Variants in HLTF observed in about 807,000 individuals in gnomAD.
HLTF encodes the protein DNA-dependent ATPase/E3 ubiquitin-protein ligase HLTF.
Under a neutral mutation model 129.4 loss-of-function variants are expected in HLTF, and 127 were observed. The ratio of observed to expected loss-of-function variants is 0.98; its 90% CI spans 0.85 to 1.14. The LOEUF is 1.14. Ranked by LOEUF, HLTF falls within the 50% of genes most tolerant of loss-of-function variation. The pLI is 0.00. For missense variants in HLTF, 1,139 were observed against 1,187.1 expected, an observed-to-expected ratio of 0.96 and a Z score of 0.60; for synonymous variants, 332 against 388.8, an observed-to-expected ratio of 0.85 and a Z score of 1.72.
chr3:149,071,052 A>AT (rs35805919), intron 7 of HLTF, among the ~76,000 whole-genome samples, 200 bp downstream of exon 7: 4,028 of 152,114 alleles, frequency 0.026, 73 homozygotes, highest in South Asian at 0.052. Flanking sequence ...CTCAAAAAAA[A>AT]AAAAAAGAAA....
intron 4 of HLTF, 49 bp from the exon 5 acceptor site, chr3:149,073,371 T>C (rs1207349799): frequency 7.7e-7 from 1 of 1,298,716 alleles, no homozygotes; most frequent in African/African-American, 1.5e-5. Flanking sequence ...AAAGTAGGTT[T>C]TTATCTTTTA....
intron 2 of HLTF, among the ~76,000 whole-genome samples, chr3:149,081,048 C>G (rs1256217337): frequency 6.6e-6 from 1 of 151,962 alleles, no homozygotes; most frequent in Non-Finnish European, 1.5e-5. Context: ...CTTAAATACA[C>G]AAATGTGTTA....
intron 18 of HLTF, among the ~76,000 whole-genome samples, chr3:149,043,490 AAAT>A (rs902036691): frequency 2.0e-5 from 3 of 151,346 alleles, no homozygotes; most frequent in Non-Finnish European, 3.0e-5. Context: ...CTAAAGATTT[AAAT>A]AATATCACAT....
intron 13 of HLTF, 36 bp downstream of exon 13, chr3:149,059,682 A>G (rs1292490254): frequency 7.4e-7 from 1 of 1,355,190 alleles, no homozygotes; most frequent in African/African-American, 1.5e-5. Flanking sequence ...AAACAGAAAA[A>G]AAACCAAAAA....
intron 1 of HLTF, among the ~76,000 whole-genome samples, chr3:149,085,964 G>C (rs1342195692): frequency 6.6e-6 from 1 of 152,096 alleles, no homozygotes; most frequent in Non-Finnish European, 1.5e-5. Flanking sequence ...AGCCACTTGG[G>C]GACAAGGACT....
At chr3:149,057,409 G>C (rs1459233249) in intron 13 of HLTF, among the ~76,000 whole-genome samples, 2 of 151,838 alleles carry the variant, frequency 1.3e-5, no homozygotes, top group Non-Finnish European at 2.9e-5. Flanking sequence ...CTGGGCGACA[G>C]AGTGAGACTC....
chr3:149,040,756 A>G (rs1559856613), intron 20 of HLTF, among the ~76,000 whole-genome samples: 1 of 152,190 alleles, frequency 6.6e-6, no homozygotes, highest in Non-Finnish European at 1.5e-5. Flanking sequence ...CTTTTGGGGA[A>G]GAGGGAGAGG....
In HLTF at chr3:149,032,376, T is replaced by C. The variant is rs747734230; in HGVS notation, c.2878-4A>G. On this transcript the variant is annotated splice_region_variant and splice_polypyrimidine_tract_variant and intron_variant, in intron 24 of 24. Transcript: ENST00000310053. Reference sequence around the variant, plus strand: ...CAACAGAGTCCTTTACAATGAACTTTAAAAAGAAAAAAAAAAGTTAAGTAG... The same window carrying C: ...CAACAGAGTCCTTTACAATGAACTTCAAAAAGAAAAAAAAAAGTTAAGTAG... 2 of 1,457,198 alleles carry C rather than the reference T, an allele frequency of 1.4e-6. No homozygotes were observed. The highest frequency in any genetic ancestry group is 2.5e-5 in the Admixed American group (1 of 40,750). The allele number at this position is 1,457,198 out of a possible 1,614,324, so 90.3% of individuals were successfully genotyped here. A position where few individuals can be genotyped will look rare whatever the true frequency, so the allele number is the denominator to read the frequency against.
At chr3:149,061,217 G>A (rs1030888621) in intron 10 of HLTF, among the ~76,000 whole-genome samples, 1 of 151,902 alleles carries the variant, frequency 6.6e-6, no homozygotes, top group East Asian at 1.9e-4. Flanking sequence ...CTACAGGTGC[G>A]TGCCACTACA....
At chr3:149,040,375 G>A (rs1462373723) in intron 20 of HLTF, 1 of 439,760 alleles carries the variant, frequency 2.3e-6, no homozygotes. Context: ...AAAAGTATGT[G>A]ATCTGGACTA....
At chr3:149,051,687 C>A (rs1276098109) in intron 14 of HLTF, among the ~76,000 whole-genome samples, 1 of 152,076 alleles carries the variant, frequency 6.6e-6, no homozygotes, top group African/African-American at 2.4e-5. Context: ...ATGGCGAAAC[C>A]CTGCCTCTAC....
At position 149,075,072 on chromosome 3, in the gene HLTF, T is replaced by A. The variant is rs190379515; in HGVS notation, c.396-724A>T. Among the ~76,000 whole-genome samples, 3 of 152,296 alleles carry A rather than the reference T, an allele frequency of 2.0e-5. No homozygotes were observed. In the East Asian group the frequency reaches 5.8e-4, roughly 29 times the overall value. On this transcript the variant is annotated intron_variant, in intron 3 of 24. Transcript: ENST00000310053. Reference sequence around the variant, plus strand: ...ACAACTCATCCTGCATTGCCAGATTTCCCACTTGTCAAGAGAAAAATAAGT... The same window carrying A: ...ACAACTCATCCTGCATTGCCAGATTACCCACTTGTCAAGAGAAAAATAAGT...
At chr3:149,056,982 G>A (rs1009659443) in intron 13 of HLTF, among the ~76,000 whole-genome samples, 2 of 151,492 alleles carry the variant, frequency 1.3e-5, no homozygotes, top group Admixed American at 6.6e-5. Flanking sequence ...GGTGGCGGGC[G>A]CCTGTAGTCC....
At chr3:149,048,346 G>T (rs560965394) in intron 16 of HLTF, among the ~76,000 whole-genome samples, 183 bp from the exon 17 acceptor site, 196 of 152,280 alleles carry the variant, frequency 1.3e-3, no homozygotes, top group Middle Eastern at 3.4e-3. Context: ...CACATCTCAA[G>T]ATACAGTTTT....
intron 2 of HLTF, among the ~76,000 whole-genome samples, chr3:149,083,095 C>CA (rs1377220234): frequency 6.6e-6 from 1 of 151,862 alleles, no homozygotes; most frequent in South Asian, 2.1e-4. Context: ...CTCCTAAATA[C>CA]AAAAAATTAG....
intron 2 of HLTF, among the ~76,000 whole-genome samples, chr3:149,078,580 G>GGGCACAGTGGCCGGGCACAGT: frequency 6.6e-6 from 1 of 151,774 alleles, no homozygotes; most frequent in Middle Eastern, 3.5e-3. Flanking sequence ...AGACCTGGCC[G>GGGCACAGTGGCCGGGCACAGT]GGCACAGTGG....
chr3:149,063,174 C>T (rs538855902), intron 10 of HLTF: 4 of 458,716 alleles, frequency 8.7e-6, no homozygotes, highest in South Asian at 6.6e-5. Flanking sequence ...ATTCTCCTGC[C>T]TCAGCCTCCT....
Position 149,074,358 on chromosome 3 carries a change from T to C in HLTF, c.396-10A>G. ...ACCAAAAGGAACTACCCTATTATAT[T>C]TGGGAGAAAAAGAAAGGGAAATCAG... On this transcript the variant is annotated splice_polypyrimidine_tract_variant and intron_variant, in intron 3 of 24. Transcript: ENST00000310053. 1.9e-6 allele frequency: 3 copies of C among 1,588,480 alleles called. No homozygotes were observed. The highest frequency in any genetic ancestry group is 2.6e-6 in the Non-Finnish European group (3 of 1,170,488).
intron 18 of HLTF, among the ~76,000 whole-genome samples, chr3:149,042,592 G>T (rs35758525): frequency 0.026 from 4,026 of 152,180 alleles, 66 homozygotes; most frequent in South Asian, 0.052. Context: ...ATGCCCTGAG[G>T]GGAAAATCAA....
Sources: gnomAD v4.1 joint callset for allele counts (sites outside exome capture counted in the v4.1 genomes callset) on GRCh38, gnomAD v4.1.1 for gene constraint, MANE v1.5 for transcripts, NCBI Gene and HGNC (gene_info 2026-07-23, HGNC 2026-07-21) for gene names.